The following DNAJB6 variants were observed in gnomAD, a reference collection of about 807,000 sequenced individuals.
The protein encoded by DNAJB6 is dnaJ homolog subfamily B member 6.
A neutral mutation model predicts 42.7 loss-of-function variants in DNAJB6; 16 were observed. The ratio of observed to expected loss-of-function variants is 0.37; its 90% CI spans 0.25 to 0.57. DNAJB6 has a LOEUF of 0.57. Ranked by LOEUF, DNAJB6 falls within the 20% of genes least tolerant of loss-of-function variation. The pLI, the probability that DNAJB6 is intolerant of heterozygous loss-of-function variation, is 0.74. For synonymous variants in DNAJB6, 170 were observed against 163.5 expected, an observed-to-expected ratio of 1.04 and a Z score of -0.30; for missense variants, 347 against 416.8, an observed-to-expected ratio of 0.83 and a Z score of 1.46.
intron 1 of DNAJB6, among the ~76,000 whole-genome samples, chr7:157,350,396 C>T (rs577378233): frequency 3.3e-5 from 5 of 152,254 alleles, no homozygotes; most frequent in Admixed American, 6.5e-5. Context: ...GAACCTGTAT[C>T]GCATAATTTG....
chr7:157,354,881 A>C (rs987042040), intron 1 of DNAJB6, among the ~76,000 whole-genome samples: 34 of 152,204 alleles, frequency 2.2e-4, no homozygotes, highest in African/African-American at 7.2e-4. Flanking sequence ...GGTAGAATTT[A>C]CTAGAAAATG....
chr7:157,386,422 C>G (rs1386550050), intron 8 of DNAJB6: 2 of 466,630 alleles, frequency 4.3e-6, no homozygotes, highest in Admixed American at 1.3e-4. Context: ...ACCTCAGTTA[C>G]ATGTAGACAT....
chr7:157,401,425 G>A (rs1005467359), intron 8 of DNAJB6, among the ~76,000 whole-genome samples: 3 of 152,064 alleles, frequency 2.0e-5, no homozygotes, highest in African/African-American at 7.2e-5. Flanking sequence ...ATGTTAGGCT[G>A]GTCTTGAACT....
At position 157,370,142 on chromosome 7, in the gene DNAJB6, A is replaced by ACAT. The variant is rs1480033217; in HGVS notation, c.346+2659_346+2660insCAT. Among the ~76,000 whole-genome samples, 12 of 104,714 alleles carry ACAT rather than the reference A, an allele frequency of 1.1e-4. No homozygotes were observed. The East Asian group carries it at 1.6e-3, about 14-fold the overall frequency. The allele number at this position is 104,714 out of a possible 152,430, so 68.7% of individuals were successfully genotyped here. A position where few individuals can be genotyped will look rare whatever the true frequency, so the allele number is the denominator to read the frequency against. ...TTATTATTAAATGGGACCCTTCTTA[A>ACAT]GATTATTAAACGGGCCCCTTCTTAA... On this transcript the variant is annotated intron_variant, in intron 5 of 9. Transcript: ENST00000262177.
chr7:157,384,948 A>C lies in DNAJB6; in HGVS notation c.560A>C (p.Asn187Thr). 6.2e-7 allele frequency: 1 copy of C among 1,614,046 alleles called. No individual in the cohort carries two copies. The highest frequency in any genetic ancestry group is 8.5e-7 in the Non-Finnish European group (1 of 1,179,960). Residue 187 changes from asparagine (N) to threonine (T), a missense_variant, in exon 7 of 10, where the codon AAC (asparagine) becomes ACC (threonine). Around this residue, in one of 3 missense-constraint regions of DNAJB6, gnomAD observed 264 missense variants for 288.0 expected, o/e 0.92. Coordinates refer to ENST00000262177, the MANE Select transcript of DNAJB6 (RefSeq NM_058246.4). ...TCATTTGGTGGTAGTGGCATGGGCA[A>C]CTTCAAATCGATATCAACTTCAACT... is the stretch of plus-strand genomic sequence containing the variant. ...STSFGGSGMGNFKSISTSTKM... is the reference protein window; with the variant it reads ...STSFGGSGMGTFKSISTSTKM...
chr7:157,360,165 AC>A (rs1402294491), intron 2 of DNAJB6, among the ~76,000 whole-genome samples: 4 of 152,246 alleles, frequency 2.6e-5, no homozygotes, highest in African/African-American at 9.6e-5. Flanking sequence ...AATTTGACTT[AC>A]AGTTCCACAT....
chr7:157,394,253 T>A (rs571930271), intron 8 of DNAJB6, among the ~76,000 whole-genome samples: 1 of 152,234 alleles, frequency 6.6e-6, no homozygotes, highest in African/African-American at 2.4e-5. Context: ...ATGACATCTA[T>A]TTTTTGGAAG....
At chr7:157,382,222 G>T (rs764748999) in intron 5 of DNAJB6, 24 bp from the exon 6 acceptor site, 2 of 1,563,534 alleles carry the variant, frequency 1.3e-6, no homozygotes, top group South Asian at 2.4e-5. Context: ...AGACTTCATA[G>T]TGTGTGTTTA....
At chr7:157,378,327 G>A (rs1256961130) in intron 5 of DNAJB6, 5 of 152,222 alleles carry the variant, frequency 3.3e-5, no homozygotes, top group Non-Finnish European at 7.3e-5. Flanking sequence ...AGTATGATCA[G>A]TTGTTTATAA....
rs79489534 is a variant in DNAJB6, at chr7:157,416,632, T to A, written c.*534T>A. 1 of 152,872 alleles carries A rather than the reference T, an allele frequency of 6.5e-6. No individual in the cohort carries two copies. The highest frequency in any genetic ancestry group is 1.9e-4 in the East Asian group (1 of 5,204). The allele number at this position is 152,872 out of a possible 1,614,324, so 9.5% of individuals were successfully genotyped here. On this transcript the variant is annotated 3_prime_UTR_variant, in exon 10 of 10. Coordinates refer to ENST00000262177, the MANE Select transcript of DNAJB6 (RefSeq NM_058246.4). ...CACACGAATAGAAGGCTGTCGTGAA[T>A]CACATCAGATGTAAAATCATTCCTT...
intron 8 of DNAJB6, among the ~76,000 whole-genome samples, chr7:157,387,911 T>C (rs1214780976): frequency 6.6e-6 from 1 of 152,164 alleles, no homozygotes; most frequent in Non-Finnish European, 1.5e-5. Flanking sequence ...AGTGGTGTGA[T>C]CTTGGCTCAT....
Position 157,392,114 on chromosome 7 carries a change from A to G in DNAJB6, c.691+6503A>G, listed in dbSNP as rs571147434. On this transcript the variant is annotated intron_variant, in intron 8 of 9. Coordinates refer to ENST00000262177, the MANE Select transcript of DNAJB6 (RefSeq NM_058246.4). ...GACCCTGTCTCAAAAAAAAAAAAAA[A>G]AAAGGATAGTCATAAATGATTTCTT... Among the ~76,000 whole-genome samples, 574 of 151,826 alleles carry G rather than the reference A, an allele frequency of 3.8e-3. 9 individuals are homozygous for G. Among genetic ancestry groups the G allele is most frequent in the African/African-American group, 0.013 (548 of 41,378 alleles).
Position 157,399,957 on chromosome 7 carries a change from C to T in DNAJB6, c.692-9838C>T, listed in dbSNP as rs2240991. Among the ~76,000 whole-genome samples, 4 of 152,294 alleles carry T rather than the reference C, an allele frequency of 2.6e-5. No individual in the cohort carries two copies. The East Asian group carries it at 7.7e-4, about 29-fold the overall frequency. ...GTGCTTGGATGACAGACGTGAGCCG[C>T]CGCACCCGGCCTGTATTTTGTCAGG... On this transcript the variant is annotated intron_variant, in intron 8 of 9. Transcript: ENST00000262177.
chr7:157,354,041 A>C (rs1486744787), intron 1 of DNAJB6, among the ~76,000 whole-genome samples: 1 of 152,146 alleles, frequency 6.6e-6, no homozygotes, highest in South Asian at 2.1e-4. Context: ...TTTTTATTTC[A>C]ATTTAATTCT....
intron 1 of DNAJB6, among the ~76,000 whole-genome samples, chr7:157,342,263 T>G (rs1049617221): frequency 6.6e-6 from 1 of 151,018 alleles, no homozygotes; most frequent in African/African-American, 2.4e-5. Context: ...CGCCTCCTAG[T>G]GTCAAGTGAT....
intron 1 of DNAJB6, among the ~76,000 whole-genome samples, chr7:157,352,651 T>C (rs577165032): frequency 6.6e-6 from 1 of 152,228 alleles, no homozygotes; most frequent in Non-Finnish European, 1.5e-5. Context: ...CACTTCCTCA[T>C]TGTGTGAGAC....
rs969422448 is a variant in DNAJB6 at position 157,389,605 on chromosome 7, G to C, written c.691+3994G>C. 2.6e-5 allele frequency among the ~76,000 whole-genome samples: 4 copies of C among 152,202 alleles called. No individual in the cohort carries two copies. The South Asian group carries it at 6.2e-4, about 24-fold the overall frequency. ...GTATTCCTAGCTGTTCTAGGGACGT[G>C]GGGGGAGCTAGATGTAGGCCTTGGT... On this transcript the variant is annotated intron_variant, in intron 8 of 9. Coordinates refer to ENST00000262177, the MANE Select transcript of DNAJB6 (RefSeq NM_058246.4).
chr7:157,385,426 C>A, intron 7 of DNAJB6, 115 bp from the exon 8 acceptor site: 1 of 1,146,714 alleles, frequency 8.7e-7, no homozygotes, highest in Non-Finnish European at 1.2e-6. Context: ...TTTTTACAGC[C>A]TGAAAATTAC....
At chr7:157,353,690 C>T (rs191932753) in intron 1 of DNAJB6, among the ~76,000 whole-genome samples, 74 of 151,488 alleles carry the variant, frequency 4.9e-4, no homozygotes, top group African/African-American at 1.4e-3. Flanking sequence ...GATAGGGTCT[C>T]GTTCTGTTGC....
Sources: gnomAD v4.1 joint callset for allele counts (sites outside exome capture counted in the v4.1 genomes callset) on GRCh38, gnomAD v4.1.1 for gene constraint, gnomAD v4.1.1 regional missense constraint, MANE v1.5 for transcripts, NCBI Gene and HGNC (gene_info 2026-07-23, HGNC 2026-07-21) for gene names.